The following DST variants were observed in gnomAD, a reference collection of about 807,000 sequenced individuals.
DST encodes bullous pemphigoid antigen.
Under a neutral mutation model 875.2 loss-of-function variants are expected in DST, and 253 were observed. The ratio of observed to expected loss-of-function variants is 0.29; its 90% confidence interval spans 0.26 to 0.32. DST has a LOEUF of 0.32. Among genes scored for constraint, DST ranks in the 10% least tolerant of loss-of-function variants. The pLI is 1.00. For synonymous variants in DST, 3,124 were observed against 3,197.1 expected, an observed-to-expected ratio of 0.98 and a Z score of 0.77; for missense variants, 8,287 against 9,111.6, an observed-to-expected ratio of 0.91 and a Z score of 3.68.
chr6:56,751,383 A>C (rs1255476837), intron 4 of DST, among the ~76,000 whole-genome samples: 1 of 152,250 alleles, frequency 6.6e-6, no homozygotes, highest in Admixed American at 6.5e-5. Context: ...TGTAGGTGGT[A>C]AGATAATCAG....
At chr6:56,715,827 T>C (rs1169856184) in intron 5 of DST, among the ~76,000 whole-genome samples, 1 of 152,140 alleles carries the variant, frequency 6.6e-6, no homozygotes, top group Non-Finnish European at 1.5e-5. Context: ...ACCCAGGCCA[T>C]TGTTCTTTAA....
In DST at chr6:56,530,025, T is replaced by G; in HGVS notation, c.17217A>C (p.Glu5739Asp). The G allele has an allele frequency of 6.2e-7, 1 of 1,613,554 alleles. No individual in the cohort carries two copies. The highest frequency in any genetic ancestry group is 1.1e-5 in the South Asian group (1 of 91,056). ...TTIEKRLVNC[E>D]PIGTQASKLE... ...GTTTAGATGCTTGGGTTCCTATGGG[T>G]TCACAATTCACCAGCCTCTTTTCTA... Residue 5739 changes from glutamate to aspartate, a missense_variant, in exon 65 of 104, where the codon GAA (glutamate) becomes GAC (aspartate). This residue lies in a region of DST where 777 missense variants were observed against 764.8 expected (regional missense o/e 1.02). Transcript: ENST00000680361.
chr6:56,803,883 TGAAGG>T (rs1380872179), intron 4 of DST, among the ~76,000 whole-genome samples: 1 of 152,234 alleles, frequency 6.6e-6, no homozygotes, highest in Non-Finnish European at 1.5e-5. Flanking sequence ...AGATTTGAAG[TGAAGG>T]GAAGATTTGT....
chr6:56,641,310 G>A (rs1301667708), intron 17 of DST, among the ~76,000 whole-genome samples: 2 of 152,096 alleles, frequency 1.3e-5, no homozygotes, highest in Non-Finnish European at 2.9e-5. Context: ...TTTTTGGCCA[G>A]GCATGGTGGC....
At chr6:56,767,613 T>TTAAA (rs2099637091) in intron 4 of DST, among the ~76,000 whole-genome samples, 1 of 116,484 alleles carries the variant, frequency 8.6e-6, no homozygotes, top group African/African-American at 3.0e-5. Flanking sequence ...AGACCCTGTC[T>TTAAA]CAAATAAATA....
At chr6:56,577,013 C>G (rs934436885) in intron 50 of DST, among the ~76,000 whole-genome samples, 1 of 151,950 alleles carries the variant, frequency 6.6e-6, no homozygotes, top group Non-Finnish European at 1.5e-5. Flanking sequence ...TTTTAGTAAA[C>G]TAAAAAATAT....
Position 56,614,845 on chromosome 6 carries a change from A to G in DST, c.4930-361T>C, listed in dbSNP as rs2098596882. The G allele has an allele frequency of 1.6e-5, 16 of 995,718 alleles. No individual in the cohort carries two copies. In the South Asian group the frequency reaches 6.9e-4, roughly 43 times the overall value. 61.7% of individuals were successfully genotyped at this position (995,718 alleles called of 1,614,324 possible). On this transcript the variant is annotated intron_variant, in intron 36 of 103. Transcript: ENST00000680361. ...CTAATTGTCCTGACAAAAAGGTACC[A>G]TAGAAGGCTGATAGAATAGAGAACG...
chr6:56,570,349 T>C (rs1475756436), intron 53 of DST, among the ~76,000 whole-genome samples: 3 of 151,864 alleles, frequency 2.0e-5, no homozygotes, highest in Admixed American at 1.3e-4. Context: ...CTCGCCATAA[T>C]GTAGAATCAA....
chr6:56,609,005 T>C lies in DST; in HGVS notation c.5623A>G (p.Ile1875Val). Residue 1875 changes from isoleucine (I) to valine (V), a missense_variant, in exon 40 of 104, where the codon ATA becomes GTA. Coordinates refer to ENST00000680361, the MANE Select transcript of DST (RefSeq NM_001374736.1). ...TESMAIKVLE[I>V]LLSTGSLVIP... ...ACCAGAGAGCCTGTAGAAAGCAGTA[T>C]CTCAAGAACTTTGATGGCCATGGAT... The C allele has an allele frequency of 6.2e-7, 1 of 1,613,884 alleles. No individual in the cohort carries two copies. Among genetic ancestry groups the C allele is most frequent in the East Asian group, 2.2e-5 (1 of 44,882 alleles).
chr6:56,573,608 AC>A, intron 51 of DST, 70 bp downstream of exon 51: 1 of 1,145,552 alleles, frequency 8.7e-7, no homozygotes, highest in Middle Eastern at 2.0e-4. Context: ...CTTAAATCTA[AC>A]TACACTTTGA....
chr6:56,660,907 C>T (rs1011180425), intron 10 of DST, among the ~76,000 whole-genome samples: 3 of 151,774 alleles, frequency 2.0e-5, no homozygotes, highest in African/African-American at 7.3e-5. Flanking sequence ...TTATAGCAAG[C>T]TTAGTTAGTA....
chr6:56,526,025 C>T (rs1333566492), intron 69 of DST, among the ~76,000 whole-genome samples: 2 of 152,152 alleles, frequency 1.3e-5, no homozygotes, highest in Admixed American at 6.6e-5. Flanking sequence ...ACAGATTAGA[C>T]TTAGTCAATA....
chr6:56,484,558 G>C (rs1196924120), intron 88 of DST: 1 of 152,116 alleles, frequency 6.6e-6, no homozygotes, highest in Non-Finnish European at 1.5e-5. Flanking sequence ...AATTTAAGTA[G>C]AGTGATGTAA....
In DST at chr6:56,553,752, T is replaced by C. The variant is rs2152556662; in HGVS notation, c.15137-97A>G. On this transcript the variant is annotated intron_variant, in intron 60 of 103. Coordinates refer to ENST00000680361, the MANE Select transcript of DST (RefSeq NM_001374736.1). Reference sequence around the variant, plus strand: ...AAAATCTCTGAATGAATATATAGAATTGTTGAAAAGCAAGGGCTTTTAGCA... The same window carrying C: ...AAAATCTCTGAATGAATATATAGAACTGTTGAAAAGCAAGGGCTTTTAGCA... 6.6e-6 allele frequency: 8 copies of C among 1,204,642 alleles called. No individual in the cohort carries two copies. In the South Asian group the frequency reaches 7.5e-5, roughly 11 times the overall value. The allele number at this position is 1,204,642 out of a possible 1,614,324, so 74.6% of individuals were successfully genotyped here. A position where few individuals can be genotyped will look rare whatever the true frequency, so the allele number is the denominator to read the frequency against.
intron 4 of DST, among the ~76,000 whole-genome samples, chr6:56,774,852 C>A (rs888078464): frequency 6.6e-6 from 1 of 151,832 alleles, no homozygotes; most frequent in Non-Finnish European, 1.5e-5. Context: ...ATTAGCCAGG[C>A]GTGGTAGTGC....
chr6:56,666,182 TAACA>T (rs147971361), intron 10 of DST, among the ~76,000 whole-genome samples: 10,471 of 152,124 alleles, frequency 0.069, 1,121 homozygotes, highest in African/African-American at 0.23. Flanking sequence ...TTTATGGGGC[TAACA>T]AACATTCTTT....
intron 2 of DST, among the ~76,000 whole-genome samples, chr6:56,945,242 T>G (rs1818815051): frequency 6.6e-6 from 1 of 152,058 alleles, no homozygotes; most frequent in Non-Finnish European, 1.5e-5. Context: ...TGTGGATGAG[T>G]TGGGGAAGGG....
intron 5 of DST, among the ~76,000 whole-genome samples, chr6:56,710,857 TG>T (rs1194680959): frequency 3.3e-5 from 5 of 152,218 alleles, no homozygotes; most frequent in African/African-American, 4.8e-5. Context: ...TATCCTTATT[TG>T]GCATGATAAA....
chr6:56,680,223 T>C (rs2099150585), intron 9 of DST, among the ~76,000 whole-genome samples: 1 of 152,168 alleles, frequency 6.6e-6, no homozygotes, highest in African/African-American at 2.4e-5. Context: ...TTCTTACCAT[T>C]CCACTAAAAC....
Sources: allele counts gnomAD v4.1 joint callset (sites outside exome capture counted in the v4.1 genomes callset), GRCh38; gene constraint gnomAD v4.1.1; regional missense constraint gnomAD v4.1.1; transcripts MANE v1.5; gene names NCBI Gene and HGNC (gene_info 2026-07-23, HGNC 2026-07-21).